The following GRIK1 variants were observed in gnomAD, a reference collection of about 807,000 sequenced individuals.
The protein encoded by GRIK1 is glutamate receptor ionotropic, kainate 1.
In GRIK1, 69 loss-of-function variants were observed where a neutral mutation model predicts 105.7. The ratio of observed to expected loss-of-function variants is 0.65; its 90% confidence interval spans 0.54 to 0.80. GRIK1 has a LOEUF of 0.80. GRIK1 is among the 30% of genes least tolerant of loss of function. GRIK1 has a pLI of 0.00. For synonymous variants in GRIK1, 438 were observed against 431.3 expected (o/e 1.02, Z -0.19); for missense variants, 1,109 against 1,167.3 (o/e 0.95, Z 0.73).
chr21:29,652,794 C>T (rs140909159), intron 5 of GRIK1, among the ~76,000 whole-genome samples: 2 of 152,168 alleles, frequency 1.3e-5, no homozygotes, highest in African/African-American at 4.8e-5. Context: ...AAGTGCATTG[C>T]AAGACAGGAC....
At chr21:29,725,602 T>C (rs2064436933) in intron 1 of GRIK1, among the ~76,000 whole-genome samples, 2 of 152,236 alleles carry the variant, frequency 1.3e-5, no homozygotes, top group Non-Finnish European at 1.5e-5. Context: ...GTAGCCATAA[T>C]GTAGTCCTAT....
At chr21:29,653,110 A>G (rs1433607790) in intron 5 of GRIK1, among the ~76,000 whole-genome samples, 1 of 152,166 alleles carries the variant, frequency 6.6e-6, no homozygotes, top group Non-Finnish European at 1.5e-5. Flanking sequence ...GCCAACCAGG[A>G]CAGAATGCAG....
At chr21:29,869,954 G>T (rs983478552) in intron 1 of GRIK1, among the ~76,000 whole-genome samples, 1 of 151,998 alleles carries the variant, frequency 6.6e-6, no homozygotes, top group Non-Finnish European at 1.5e-5. Flanking sequence ...TTTAAAACTA[G>T]GACTGTCAGG....
At chr21:29,644,932 G>A (rs570180090) in intron 6 of GRIK1, among the ~76,000 whole-genome samples, 1 of 152,288 alleles carries the variant, frequency 6.6e-6, no homozygotes, top group Non-Finnish European at 1.5e-5. Context: ...GAAAAAAGAT[G>A]TTAAATGGGA....
intron 7 of GRIK1, among the ~76,000 whole-genome samples, chr21:29,611,523 T>C (rs1217430272): frequency 6.6e-6 from 1 of 152,188 alleles, no homozygotes. Context: ...TTGATAACTT[T>C]ATAAAATTAT....
intron 1 of GRIK1, among the ~76,000 whole-genome samples, chr21:29,864,644 CT>C (rs1000265774): frequency 1.3e-5 from 2 of 152,250 alleles, no homozygotes. Context: ...GTAGTTTGAA[CT>C]TTTTTTCTGC....
chr21:29,853,221 G>T (rs1210436202), intron 1 of GRIK1, among the ~76,000 whole-genome samples: 1 of 152,124 alleles, frequency 6.6e-6, no homozygotes, highest in South Asian at 2.1e-4. Context: ...GTAAGTAAAG[G>T]CTCAATACTT....
chr21:29,564,349 G>A (rs1351428275), intron 14 of GRIK1, among the ~76,000 whole-genome samples: 4 of 151,904 alleles, frequency 2.6e-5, no homozygotes, highest in African/African-American at 9.7e-5. Context: ...GGGTTTCACC[G>A]TTTTAGCCGG....
At chr21:29,590,540 G>GGTCTGATTTGGTGGGT (rs2061318182) in intron 10 of GRIK1, among the ~76,000 whole-genome samples, 1 of 152,120 alleles carries the variant, frequency 6.6e-6, no homozygotes, top group African/African-American at 2.4e-5. Flanking sequence ...GGGAGGTGGG[G>GGTCTGATTTGGTGGGT]GTCTGATTTG....
chr21:29,868,390 C>CT (rs1299188809), intron 1 of GRIK1, among the ~76,000 whole-genome samples: 1 of 152,106 alleles, frequency 6.6e-6, no homozygotes, highest in Non-Finnish European at 1.5e-5. Context: ...AAACCTCTGT[C>CT]TTTTCAGGCC....
At chr21:29,692,609 TG>T (rs1395556301) in intron 2 of GRIK1, among the ~76,000 whole-genome samples, 11 of 152,258 alleles carry the variant, frequency 7.2e-5, no homozygotes, top group African/African-American at 2.7e-4. Context: ...AGTCTCGCTC[TG>T]TCACCCAGGC....
chr21:29,832,143 C>A (rs189223168), intron 1 of GRIK1, among the ~76,000 whole-genome samples: 2 of 152,216 alleles, frequency 1.3e-5, no homozygotes, highest in South Asian at 4.1e-4. Context: ...CCAGGCCACA[C>A]TGATGCATGG....
At chr21:29,837,612 A>C (rs886609691) in intron 1 of GRIK1, among the ~76,000 whole-genome samples, 1 of 152,208 alleles carries the variant, frequency 6.6e-6, no homozygotes, top group Non-Finnish European at 1.5e-5. Context: ...TTTTTGCTAG[A>C]GTCAGCCAAG....
At chr21:29,596,345 A>G in intron 9 of GRIK1, 181 bp downstream of exon 9, 1 of 722,106 alleles carries the variant, frequency 1.4e-6, no homozygotes, top group Non-Finnish European at 2.6e-6. Flanking sequence ...TTTTCAATTC[A>G]CAGGTGATGT....
intron 1 of GRIK1, among the ~76,000 whole-genome samples, chr21:29,869,877 C>T (rs796222405): frequency 2.0e-4 from 31 of 152,176 alleles, no homozygotes; most frequent in African/African-American, 7.0e-4. Context: ...GGCATATTTC[C>T]CCCCATAACT....
At chr21:29,706,534 A>C (rs1885450128) in intron 1 of GRIK1, among the ~76,000 whole-genome samples, 2 of 152,238 alleles carry the variant, frequency 1.3e-5, no homozygotes, top group South Asian at 4.1e-4. Flanking sequence ...ACACTTTAAA[A>C]TGAACTGAGA....
chr21:29,738,164 A>G (rs928436543), intron 1 of GRIK1, among the ~76,000 whole-genome samples: 6 of 152,234 alleles, frequency 3.9e-5, no homozygotes, highest in African/African-American at 9.6e-5. Flanking sequence ...GGATGAACTG[A>G]CTTCAGTGAG....
chr21:29,790,631 T>C (rs1039470194), intron 1 of GRIK1, among the ~76,000 whole-genome samples: 57 of 152,024 alleles, frequency 3.7e-4, no homozygotes, highest in African/African-American at 1.4e-3. Context: ...TTTTGTATTT[T>C]TTGTAGAGAT....
At chr21:29,883,518 C>G (rs971152632) in intron 1 of GRIK1, among the ~76,000 whole-genome samples, 1 of 151,926 alleles carries the variant, frequency 6.6e-6, no homozygotes, top group Non-Finnish European at 1.5e-5. Context: ...TGCCACAAAG[C>G]AAGTGGTGCA....
Sources: allele counts gnomAD v4.1 joint callset (sites outside exome capture counted in the v4.1 genomes callset), GRCh38; gene constraint gnomAD v4.1.1; transcripts MANE v1.5; gene names NCBI Gene and HGNC (gene_info 2026-07-23, HGNC 2026-07-21).